Variants in SGCZ observed in about 807,000 individuals in gnomAD.
SGCZ encodes zeta-sarcoglycan.
SGCZ carries 40 observed loss-of-function variants against 41.3 expected under a neutral mutation model. The observed-to-expected ratio is 0.97, with a 90% CI of 0.75 to 1.26. SGCZ has a LOEUF of 1.26. SGCZ is among the 50% of genes most tolerant of loss of function. The pLI, the probability that SGCZ is intolerant of heterozygous loss-of-function variation, is 0.00. For synonymous variants in SGCZ, 206 were observed against 137.5 expected (o/e 1.50, Z -3.49); for missense variants, 552 against 369.8 (o/e 1.49, Z -4.04).
At chr8:14,875,832 G>C (rs752485411) in intron 1 of SGCZ, among the ~76,000 whole-genome samples, 2 of 152,018 alleles carry the variant, frequency 1.3e-5, no homozygotes, top group African/African-American at 4.8e-5. Context: ...TTCACATCTG[G>C]GCCACAATTT....
In SGCZ at chr8:15,172,360, C is replaced by A. The variant is rs563375629; in HGVS notation, c.39+65225G>T. On this transcript the variant is annotated intron_variant, in intron 1 of 7. Coordinates refer to ENST00000382080, the MANE Select transcript of SGCZ (RefSeq NM_139167.4). Reference sequence around the variant, plus strand: ...TATTTTTAGTAGAGACGGGGTTTCACCGTGTCAGCCAGGATGGTCTCGATC... The same window carrying A: ...TATTTTTAGTAGAGACGGGGTTTCAACGTGTCAGCCAGGATGGTCTCGATC... Among the ~76,000 whole-genome samples the A allele has an allele frequency of 2.0e-3, 297 of 151,120 alleles. 2 individuals are homozygous for A. Among genetic ancestry groups the A allele is most frequent in the Middle Eastern group, 0.014 (4 of 292 alleles).
At chr8:15,112,990 C>T (rs1310159626) in intron 1 of SGCZ, among the ~76,000 whole-genome samples, 1 of 152,072 alleles carries the variant, frequency 6.6e-6, no homozygotes, top group Non-Finnish European at 1.5e-5. Context: ...AGGTGGATCG[C>T]TTGGGCCCAG....
intron 1 of SGCZ, among the ~76,000 whole-genome samples, chr8:14,927,326 G>A (rs969036045): frequency 6.6e-6 from 1 of 151,638 alleles, no homozygotes; most frequent in Non-Finnish European, 1.5e-5. Flanking sequence ...AGCCAGGATG[G>A]TGTCGATTTC....
intron 1 of SGCZ, among the ~76,000 whole-genome samples, chr8:14,592,070 CAA>C (rs930145451): frequency 1.1e-4 from 16 of 152,138 alleles, no homozygotes; most frequent in Non-Finnish European, 1.8e-4. Context: ...CAAAATATAG[CAA>C]AGACTTGAAA....
At chr8:14,470,251 A>T (rs1032536702) in intron 2 of SGCZ, among the ~76,000 whole-genome samples, 5 of 152,172 alleles carry the variant, frequency 3.3e-5, no homozygotes, top group African/African-American at 1.2e-4. Context: ...AGAAAAAAAA[A>T]TGCTGAGTTT....
At chr8:14,819,847 A>G (rs899028073) in intron 1 of SGCZ, among the ~76,000 whole-genome samples, 1 of 152,082 alleles carries the variant, frequency 6.6e-6, no homozygotes, top group African/African-American at 2.4e-5. Context: ...AACCACAAAG[A>G]AAGAAATTAA....
intron 2 of SGCZ, among the ~76,000 whole-genome samples, chr8:14,326,849 T>G (rs577328319): frequency 6.6e-6 from 1 of 152,268 alleles, no homozygotes; most frequent in South Asian, 2.1e-4. Flanking sequence ...ACCACCCACT[T>G]ACTGGCTCTA....
At chr8:14,518,555 A>G (rs1165352873) in intron 2 of SGCZ, among the ~76,000 whole-genome samples, 1 of 152,162 alleles carries the variant, frequency 6.6e-6, no homozygotes, top group Non-Finnish European at 1.5e-5. Context: ...ATTGTGAAAT[A>G]AAATAGAACT....
intron 4 of SGCZ, among the ~76,000 whole-genome samples, chr8:14,226,625 C>T (rs945164392): frequency 1.3e-5 from 2 of 152,078 alleles, no homozygotes; most frequent in African/African-American, 4.8e-5. Flanking sequence ...TTTGAGTTGA[C>T]TCCCGTTGTT....
intron 1 of SGCZ, among the ~76,000 whole-genome samples, chr8:15,021,969 A>C (rs1803267213): frequency 6.6e-6 from 1 of 152,250 alleles, no homozygotes; most frequent in Non-Finnish European, 1.5e-5. Flanking sequence ...TTTTATGGAA[A>C]TAACATAAAT....
intron 1 of SGCZ, among the ~76,000 whole-genome samples, chr8:14,787,787 G>A (rs570589014): frequency 2.0e-5 from 3 of 151,864 alleles, no homozygotes; most frequent in Non-Finnish European, 4.4e-5. Flanking sequence ...CGGAGATTGC[G>A]GTGACCTAAG....
intron 1 of SGCZ, among the ~76,000 whole-genome samples, chr8:14,784,205 C>G (rs908015855): frequency 7.4e-6 from 1 of 134,512 alleles, no homozygotes; most frequent in Non-Finnish European, 1.7e-5. Context: ...CACATGCCAC[C>G]GAGCCTGGCT....
chr8:14,644,178 C>T (rs1265568974), intron 1 of SGCZ, among the ~76,000 whole-genome samples: 2 of 151,626 alleles, frequency 1.3e-5, no homozygotes, highest in African/African-American at 4.8e-5. Context: ...AGTCAAGCAC[C>T]CATCTAGATA....
At chr8:15,157,567 A>G (rs1010671403) in intron 1 of SGCZ, among the ~76,000 whole-genome samples, 3 of 152,208 alleles carry the variant, frequency 2.0e-5, no homozygotes, top group Non-Finnish European at 4.4e-5. Context: ...ATCACTTGTA[A>G]TACTCAGGAC....
intron 1 of SGCZ, among the ~76,000 whole-genome samples, chr8:14,558,434 G>C (rs1311081910): frequency 6.6e-6 from 1 of 152,020 alleles, no homozygotes; most frequent in Non-Finnish European, 1.5e-5. Flanking sequence ...AATTAGCTGG[G>C]TGTGGTGGTG....
At chr8:14,567,992 G>A (rs746447932) in intron 1 of SGCZ, among the ~76,000 whole-genome samples, 2 of 152,178 alleles carry the variant, frequency 1.3e-5, no homozygotes, top group Non-Finnish European at 2.9e-5. Context: ...CTCCATTATT[G>A]AAGTCAGTGA....
intron 1 of SGCZ, among the ~76,000 whole-genome samples, chr8:14,898,906 C>T (rs1035666004): frequency 2.0e-5 from 3 of 152,058 alleles, no homozygotes; most frequent in Non-Finnish European, 4.4e-5. Context: ...GAAAATTGTT[C>T]TGAGAAAATA....
chr8:14,120,376 G>T (rs2117033625), intron 5 of SGCZ, among the ~76,000 whole-genome samples: 1 of 152,260 alleles, frequency 6.6e-6, no homozygotes, highest in African/African-American at 2.4e-5. Context: ...TCCACCTGAA[G>T]TTGTCAGGTA....
At chr8:15,026,092 G>C (rs116798945) in intron 1 of SGCZ, among the ~76,000 whole-genome samples, 3,028 of 150,842 alleles carry the variant, frequency 0.02, 96 homozygotes, top group African/African-American at 0.07. Flanking sequence ...TATTTACTTT[G>C]ACTTCCATAG....
Sources: gnomAD v4.1 joint callset for allele counts (sites outside exome capture counted in the v4.1 genomes callset) on GRCh38, gnomAD v4.1.1 for gene constraint, MANE v1.5 for transcripts, NCBI Gene and HGNC (gene_info 2026-07-23, HGNC 2026-07-21) for gene names.